The following DTYMK variants were observed in gnomAD, a reference collection of about 807,000 sequenced individuals.
The protein encoded by DTYMK is deoxythymidylate kinase, also known as thymidylate kinase.
In DTYMK, 20 loss-of-function variants were observed where a neutral mutation model predicts 20.3. That is an observed-to-expected ratio of 0.99 (90% CI 0.69 to 1.43). The LOEUF (loss-of-function observed/expected upper bound fraction) is 1.43. Ranked by LOEUF, DTYMK falls within the 40% of genes most tolerant of loss-of-function variation. The pLI is 0.00. For synonymous variants in DTYMK, 148 were observed against 124.4 expected, an observed-to-expected ratio of 1.19 and a Z score of -1.27; for missense variants, 320 against 291.1, an observed-to-expected ratio of 1.10 and a Z score of -0.72.
chr2:241,676,453 C>A (rs2069118812), intron 4 of DTYMK, among the ~76,000 whole-genome samples: 1 of 152,182 alleles, frequency 6.6e-6, no homozygotes, highest in African/African-American at 2.4e-5. Flanking sequence ...CACAGTAACA[C>A]CCTGTTTCAA....
chr2:241,678,455 C>T lies in DTYMK; in HGVS notation c.525G>A (p.Trp175Ter). 2 of 1,614,178 alleles carry T rather than the reference C, an allele frequency of 1.2e-6. No individual in the cohort carries two copies. The highest frequency in any genetic ancestry group is 1.7e-6 in the Non-Finnish European group (2 of 1,180,036). Reference protein sequence around the residue: ...HQLMKDTTLNWKMVDASKSIE... With the variant: ...HQLMKDTTLN Reference sequence around the variant, plus strand: ...TGTGCAATTCTGGGATTCTCACCTTCCAGTTCAAAGTCGTGTCTTTCATGA... The same window carrying T: ...TGTGCAATTCTGGGATTCTCACCTTTCAGTTCAAAGTCGTGTCTTTCATGA... Residue 175 changes from tryptophan to a stop codon, truncating the protein, a stop_gained, in exon 4 of 5, where the codon TGG (tryptophan) becomes TGA (stop). Transcript: ENST00000305784. LOFTEE classifies it low-confidence loss of function (END_TRUNC).
chr2:241,677,429 G>A (rs572768806), intron 4 of DTYMK, among the ~76,000 whole-genome samples: 136 of 152,354 alleles, frequency 8.9e-4, no homozygotes, highest in African/African-American at 3.0e-3. Context: ...GAAAAGCTGC[G>A]TGACCAGCAT....
At chr2:241,678,704 G>A (rs1559284108) in intron 3 of DTYMK, 55 bp from the exon 4 acceptor site, 15 of 1,587,430 alleles carry the variant, frequency 9.4e-6, no homozygotes, top group East Asian at 4.5e-5. Context: ...TTTTTGTTTC[G>A]AAAGTCGTAA....
chr2:241,685,549 T>G, intron 2 of DTYMK: 2 of 412,146 alleles, frequency 4.9e-6, no homozygotes, highest in African/African-American at 2.0e-5. Flanking sequence ...CTGAAGTCTA[T>G]TAGTTATGGG....
intron 1 of DTYMK, among the ~76,000 whole-genome samples, chr2:241,686,413 G>A (rs1575110295): frequency 6.6e-6 from 1 of 151,896 alleles, no homozygotes. Context: ...GCGCGCCTAT[G>A]TTCCCGGCTA....
At chr2:241,682,124 G>A (rs754724542) in intron 2 of DTYMK, 3 of 383,190 alleles carry the variant, frequency 7.8e-6, no homozygotes, top group African/African-American at 2.1e-5. Flanking sequence ...GGACTGCTTG[G>A]GTCCAGGAGT....
chr2:241,685,943 GTT>G, intron 1 of DTYMK, 66 bp from the exon 2 acceptor site: 8 of 1,493,906 alleles, frequency 5.4e-6, no homozygotes, highest in African/African-American at 1.4e-5. Context: ...TTACAATATA[GTT>G]TGGACTGAAT....
chr2:241,683,607 C>A (rs777827290), intron 2 of DTYMK, among the ~76,000 whole-genome samples: 1 of 152,028 alleles, frequency 6.6e-6, no homozygotes, highest in Non-Finnish European at 1.5e-5. Context: ...TGGCATTTAC[C>A]CAAAAGAAGT....
chr2:241,684,782 G>A, intron 2 of DTYMK: 1 of 456,422 alleles, frequency 2.2e-6, no homozygotes, highest in South Asian at 1.6e-5. Context: ...AAGGTGGTAG[G>A]AGAGTTCATA....
chr2:241,684,772 AAG>A (rs2069341102), intron 2 of DTYMK: 1 of 461,902 alleles, frequency 2.2e-6, no homozygotes. Context: ...AAAACAAAAA[AAG>A]GTGGTAGGAG....
chr2:241,683,078 C>T (rs548354110), intron 2 of DTYMK, among the ~76,000 whole-genome samples: 1 of 152,112 alleles, frequency 6.6e-6, no homozygotes, highest in South Asian at 2.1e-4. Context: ...TGGTTGAGAC[C>T]CTGTCCCAAA....
Position 241,686,767 on chromosome 2 carries a change from C to G in DTYMK, c.17G>C (p.Gly6Ala). Residue 6 changes from glycine to alanine, a missense_variant, in exon 1 of 5, where the codon GGG becomes GCG. Transcript: ENST00000305784. MAARR[G>A]ALIVLEGVDR... ...CACGCCCTCCAGCACTATGAGAGCC[C>G]CGCGCCGGGCCGCCATGACTGTCCA... The G allele has an allele frequency of 2.1e-6, 3 of 1,462,096 alleles. No individual in the cohort carries two copies. The South Asian group carries it at 4.3e-5, about 21-fold the overall frequency. 90.6% of individuals were successfully genotyped at this position (1,462,096 alleles called of 1,614,324 possible).
rs531352351 is a variant in DTYMK at position 241,682,298 on chromosome 2, G to A, written c.240-1979C>T. On this transcript the variant is annotated intron_variant, in intron 2 of 4. Coordinates refer to ENST00000305784, the MANE Select transcript of DTYMK (RefSeq NM_012145.4). ...CGAGGCTGCAGTAAGCTGTGATTGC[G>A]CACTGCACTCAGCCTGCATGACACA... 27 of 450,592 alleles carry A rather than the reference G, an allele frequency of 6.0e-5. No individual in the cohort carries two copies. The East Asian group carries it at 1.2e-3, about 20-fold the overall frequency. 27.9% of individuals were successfully genotyped at this position (450,592 alleles called of 1,614,324 possible). A position where few individuals can be genotyped will look rare whatever the true frequency, so the allele number is the denominator to read the frequency against.
chr2:241,680,176 G>C lies in DTYMK; in HGVS notation c.330+53C>G, dbSNP rs1326458776. 2.5e-6 allele frequency: 4 copies of C among 1,581,574 alleles called. No individual in the cohort carries two copies. In the African/African-American group the frequency reaches 5.4e-5, roughly 21 times the overall value. On this transcript the variant is annotated intron_variant, in intron 3 of 4. Transcript: ENST00000305784. The stretch of plus-strand genomic sequence containing the variant: ...TCACTCGTACTCGCATTCAAGGGCA[G>C]TCCTGGGTCCACACATCTGTGCTCG...
intron 2 of DTYMK, among the ~76,000 whole-genome samples, chr2:241,683,077 C>T (rs1209648599): frequency 6.6e-6 from 1 of 152,108 alleles, no homozygotes; most frequent in Non-Finnish European, 1.5e-5. Flanking sequence ...CTGGTTGAGA[C>T]CCTGTCCCAA....
At chr2:241,684,898 G>C (rs1347320518) in intron 2 of DTYMK, 1 of 384,566 alleles carries the variant, frequency 2.6e-6, no homozygotes, top group Non-Finnish European at 5.3e-6. Context: ...GTAGTATGTA[G>C]GGAGCGCTCT....
intron 2 of DTYMK, among the ~76,000 whole-genome samples, chr2:241,681,704 C>T (rs1462346749): frequency 2.0e-5 from 3 of 152,150 alleles, no homozygotes; most frequent in Admixed American, 6.5e-5. Flanking sequence ...ATGGACTTCA[C>T]GAAAATAATA....
chr2:241,680,572 C>T (rs968865322), intron 2 of DTYMK, among the ~76,000 whole-genome samples: 2 of 152,110 alleles, frequency 1.3e-5, no homozygotes. Flanking sequence ...ACTCGGGAGG[C>T]TGAGGCAGGA....
At chr2:241,680,106 A>G (rs2069204930) in intron 3 of DTYMK, 123 bp downstream of exon 3, 1 of 830,300 alleles carries the variant, frequency 1.2e-6, no homozygotes, top group Non-Finnish European at 1.9e-6. Flanking sequence ...AAGAGATAAA[A>G]GGAATATAAG....
Sources: gnomAD v4.1 joint callset for allele counts (sites outside exome capture counted in the v4.1 genomes callset) on GRCh38, gnomAD v4.1.1 for gene constraint, MANE v1.5 for transcripts, NCBI Gene and HGNC (gene_info 2026-07-23, HGNC 2026-07-21) for gene names.